The following DAAM1 variants were observed in gnomAD, a reference collection of about 807,000 sequenced individuals.
DAAM1 encodes disheveled-associated activator of morphogenesis 1.
In DAAM1, 52 loss-of-function variants were observed where a neutral mutation model predicts 130.0. The observed-to-expected ratio is 0.40, with a 90% CI of 0.32 to 0.50. DAAM1 has a LOEUF of 0.50. DAAM1 is among the 20% of genes least tolerant of loss of function. The probability of loss-of-function intolerance (pLI) is 0.61; values close to 1 mark genes in which losing one functional copy is unlikely to be tolerated. For synonymous variants in DAAM1, 452 were observed against 444.5 expected, an observed-to-expected ratio of 1.02 and a Z score of -0.21; for missense variants, 1,134 against 1,303.8, an observed-to-expected ratio of 0.87 and a Z score of 2.01.
At chr14:59,250,754 T>C (rs1881600972) in intron 1 of DAAM1, among the ~76,000 whole-genome samples, 1 of 152,248 alleles carries the variant, frequency 6.6e-6, no homozygotes, top group African/African-American at 2.4e-5. Flanking sequence ...TCAGCTGTCT[T>C]TCAGTTAATA....
intron 3 of DAAM1, among the ~76,000 whole-genome samples, chr14:59,310,135 G>A (rs1260359445): frequency 6.7e-6 from 1 of 149,600 alleles, no homozygotes; most frequent in Non-Finnish European, 1.5e-5. Flanking sequence ...TTTTGAGACA[G>A]GGTCTTGCTC....
At chr14:59,189,178 T>A (rs981612313) in intron 1 of DAAM1, among the ~76,000 whole-genome samples, 2 of 151,742 alleles carry the variant, frequency 1.3e-5, no homozygotes, top group African/African-American at 4.8e-5. Context: ...GTCCGCGAGC[T>A]CCCGGCCCGG....
chr14:59,195,432 C>T (rs1042233243), intron 1 of DAAM1, among the ~76,000 whole-genome samples: 5 of 152,206 alleles, frequency 3.3e-5, no homozygotes, highest in Non-Finnish European at 7.4e-5. Flanking sequence ...CGTGAGCCAC[C>T]GCGCCTGGCC....
chr14:59,254,576 G>T (rs1236499355), intron 1 of DAAM1, among the ~76,000 whole-genome samples: 1 of 152,156 alleles, frequency 6.6e-6, no homozygotes, highest in Non-Finnish European at 1.5e-5. Flanking sequence ...CAACAGGTCA[G>T]CAGGGGGAGG....
intron 1 of DAAM1, among the ~76,000 whole-genome samples, chr14:59,233,966 C>G (rs934680687): frequency 1.6e-4 from 25 of 152,184 alleles, no homozygotes; most frequent in African/African-American, 6.0e-4. Flanking sequence ...TTTCTGAGGT[C>G]TCTGTTCTGT....
chr14:59,243,349 A>G (rs1040701340), intron 1 of DAAM1, among the ~76,000 whole-genome samples: 5 of 152,132 alleles, frequency 3.3e-5, no homozygotes, highest in Non-Finnish European at 7.4e-5. Context: ...TCTGGTGCAC[A>G]GATCCTTTTT....
chr14:59,224,066 A>G lies in DAAM1; in HGVS notation c.-38+35298A>G, dbSNP rs182549111. On this transcript the variant is annotated intron_variant, in intron 1 of 24. Coordinates refer to ENST00000360909, the MANE Select transcript of DAAM1 (RefSeq NM_001270520.2). ...TGGAAAGTTGATGTACCTCTGAGGC[A>G]GCATGGTAAAAGTTATATTGTTGGC... Among the ~76,000 whole-genome samples the G allele has an allele frequency of 3.5e-3, 531 of 152,350 alleles. 3 individuals are homozygous for G. Among genetic ancestry groups the G allele is most frequent in the Non-Finnish European group, 5.9e-3 (404 of 68,034 alleles).
chr14:59,331,722 A>T, intron 14 of DAAM1, 91 bp from the exon 15 acceptor site: 1 of 1,506,624 alleles, frequency 6.6e-7, no homozygotes, highest in Non-Finnish European at 8.9e-7. Flanking sequence ...TAGACTGAAA[A>T]ATTTGGGATA....
At chr14:59,300,117 G>C (rs899598180) in intron 3 of DAAM1, 4 of 152,202 alleles carry the variant, frequency 2.6e-5, no homozygotes, top group African/African-American at 9.7e-5. Context: ...TGAAATAAGA[G>C]TATTTTTTGA....
At chr14:59,210,943 A>G (rs1157852592) in intron 1 of DAAM1, among the ~76,000 whole-genome samples, 4 of 151,942 alleles carry the variant, frequency 2.6e-5, no homozygotes, top group Non-Finnish European at 5.9e-5. Flanking sequence ...TTGTTTATAC[A>G]TGGTGTTGTA....
rs1887146057 is a variant in DAAM1, at chr14:59,370,995, C to T, written c.*2136C>T. 1 of 151,688 alleles carries T rather than the reference C, an allele frequency of 6.6e-6. No individual in the cohort carries two copies. The highest frequency in any genetic ancestry group is 1.5e-5 in the Non-Finnish European group (1 of 67,928). 9.4% of individuals were successfully genotyped at this position (151,688 alleles called of 1,614,324 possible). A position where few individuals can be genotyped will look rare whatever the true frequency, so the allele number is the denominator to read the frequency against. ...CCTCTTGCCCCTTTTAATCATCCTC[C>T]TTTGATATGGCCATCCTGGTGGGCC... On this transcript the variant is annotated 3_prime_UTR_variant, in exon 25 of 25. Transcript: ENST00000360909.
rs55791691 is a variant in DAAM1 at position 59,192,149 on chromosome 14, GGTGTGTGTGT to G, written c.-38+3417_-38+3426del. On this transcript the variant is annotated intron_variant, in intron 1 of 24. Transcript: ENST00000360909. ...TGTGGACATGTTCTGCTTGTTAAGG[GGTGTGTGTGT>G]GTGTGTGTGTGTGTGTGTGTGTGTG... is the stretch of plus-strand genomic sequence containing the variant. Among the ~76,000 whole-genome samples, 797 of 138,634 alleles carry G rather than the reference GGTGTGTGTGT, an allele frequency of 5.7e-3. 6 individuals carry two copies. Among genetic ancestry groups the G allele is most frequent in the African/African-American group, 9.4e-3 (345 of 36,568 alleles). The allele number at this position is 138,634 out of a possible 152,430, so 90.9% of individuals were successfully genotyped here.
Position 59,331,345 on chromosome 14 carries a change from C to T in DAAM1, c.1697C>T (p.Pro566Leu), listed in dbSNP as rs373008354. The T allele has an allele frequency of 1.2e-4, 193 of 1,611,868 alleles. 1 individual carries two copies. Among genetic ancestry groups the T allele is most frequent in the African/African-American group, 1.0e-3 (78 of 74,872 alleles). Reference protein sequence around the residue: ...PLPGGMLPPPPPPLPPGGPPP... With the variant: ...PLPGGMLPPPLPPLPPGGPPP... ...CCAGGTGGGATGCTTCCCCCTCCACCGCCTCCCCTCCCTCCAGGTGGCCCT... is the reference window on the plus strand; with the variant it reads ...CCAGGTGGGATGCTTCCCCCTCCACTGCCTCCCCTCCCTCCAGGTGGCCCT... The change falls in exon 14 of 25, where the codon CCG (proline) becomes CTG (leucine). Residue 566 changes from proline to leucine, a missense_variant. Physicochemically the swap from Pro to Leu is moderately conservative, Grantham distance 98. Coordinates refer to ENST00000360909, the MANE Select transcript of DAAM1 (RefSeq NM_001270520.2).
At chr14:59,353,229 A>G (rs1425195173) in intron 18 of DAAM1, among the ~76,000 whole-genome samples, 1 of 152,174 alleles carries the variant, frequency 6.6e-6, no homozygotes, top group Non-Finnish European at 1.5e-5. Context: ...TCGATCTGCT[A>G]TCTCAGGCCT....
chr14:59,209,182 T>C (rs1389174505), intron 1 of DAAM1, among the ~76,000 whole-genome samples: 1 of 152,224 alleles, frequency 6.6e-6, no homozygotes, highest in Non-Finnish European at 1.5e-5. Context: ...TGACCATCCC[T>C]CTTGGCATAC....
intron 18 of DAAM1, among the ~76,000 whole-genome samples, chr14:59,353,557 CTG>C (rs1379904976): frequency 6.6e-6 from 1 of 152,192 alleles, no homozygotes; most frequent in Non-Finnish European, 1.5e-5. Flanking sequence ...TCCTGGGACT[CTG>C]AGGGAGGAGA....
chr14:59,349,707 G>C (rs1886215769), intron 17 of DAAM1, among the ~76,000 whole-genome samples: 1 of 152,180 alleles, frequency 6.6e-6, no homozygotes, highest in Non-Finnish European at 1.5e-5. Context: ...TTCTTCCTCG[G>C]AACACATATC....
At chr14:59,195,141 CTTTTTTTT>C (rs33934407) in intron 1 of DAAM1, among the ~76,000 whole-genome samples, 3 of 98,172 alleles carry the variant, frequency 3.1e-5, no homozygotes, top group African/African-American at 4.2e-5. Flanking sequence ...TCTTGTTATA[CTTTTTTTT>C]TTTTTTTTTT....
intron 19 of DAAM1, among the ~76,000 whole-genome samples, chr14:59,354,471 C>T (rs1360865544): frequency 3.3e-5 from 5 of 152,146 alleles, no homozygotes; most frequent in Non-Finnish European, 5.9e-5. Context: ...GCTCACAGCA[C>T]GCCTCCTGGG....
Sources: gnomAD v4.1 joint callset for allele counts (sites outside exome capture counted in the v4.1 genomes callset) on GRCh38, gnomAD v4.1.1 for gene constraint, MANE v1.5 for transcripts, NCBI Gene and HGNC (gene_info 2026-07-23, HGNC 2026-07-21) for gene names.